DARS1: variants seen among roughly 807,000 people sequenced by gnomAD.
DARS1 encodes the protein aspartate--tRNA ligase, cytoplasmic.
DARS1 carries 51 observed loss-of-function variants against 68.8 expected under a neutral mutation model. That is an observed-to-expected ratio of 0.74 (90% confidence interval 0.59 to 0.94). DARS1 has a LOEUF of 0.94. Ranked by LOEUF, DARS1 falls within the 40% of genes least tolerant of loss-of-function variation. The pLI, the probability that DARS1 is intolerant of heterozygous loss-of-function variation, is 0.00. For missense variants in DARS1, 607 were observed against 597.3 expected (o/e 1.02, Z -0.17); for synonymous variants, 203 against 190.4 (o/e 1.07, Z -0.55).
intron 3 of DARS1, among the ~76,000 whole-genome samples, chr2:135,971,814 AAAAG>A (rs1329793046): frequency 2.6e-5 from 4 of 152,138 alleles, no homozygotes; most frequent in African/African-American, 9.7e-5. Context: ...AACAATGTGA[AAAAG>A]AAATAAAAAA....
intron 7 of DARS1, 82 bp downstream of exon 7, chr2:135,932,696 AGCTTT>A (rs1681377141): frequency 1.3e-6 from 1 of 750,290 alleles, no homozygotes; most frequent in Non-Finnish European, 2.3e-6. Context: ...AATACCATTT[AGCTTT>A]ATAAGCCTGA....
At chr2:135,920,649 G>A (rs1280328218) in intron 9 of DARS1, 49 bp from the exon 10 acceptor site, 1 of 1,507,166 alleles carries the variant, frequency 6.6e-7, no homozygotes, top group Non-Finnish European at 8.8e-7. Flanking sequence ...TTTCAATTTT[G>A]GATAAATAGG....
At chr2:135,983,504 C>A (rs1682687297) in intron 1 of DARS1, 50 bp from the exon 2 acceptor site, 2 of 711,224 alleles carry the variant, frequency 2.8e-6, no homozygotes, top group Non-Finnish European at 4.9e-6. Context: ...ACACTAAGAG[C>A]ACAGTAAACA....
Position 135,933,962 on chromosome 2 carries a change from C to T in DARS1, c.452G>A (p.Arg151His), listed in dbSNP as rs768903247. Residue 151 changes from arginine to histidine, a missense_variant, in exon 6 of 16, where the codon CGT (arginine) becomes CAT (histidine). Arg to His is a conservative substitution (Grantham distance 29, BLOSUM62 0). Coordinates refer to ENST00000264161, the MANE Select transcript of DARS1 (RefSeq NM_001349.4). ...KIYVISLAEPRLPLQLDDAVR... is the reference protein window; with the variant it reads ...KIYVISLAEPHLPLQLDDAVR... ...AGCATCATCCAGCTGCAGGGGCAGACGGGGTTCAGCCAAACTGATCACATA... is the reference window on the plus strand; with the variant it reads ...AGCATCATCCAGCTGCAGGGGCAGATGGGGTTCAGCCAAACTGATCACATA... The T allele has an allele frequency of 2.5e-5, 40 of 1,613,538 alleles. No individual in the cohort carries two copies. Among genetic ancestry groups the T allele is most frequent in the African/African-American group, 6.7e-5 (5 of 74,908 alleles).
At chr2:135,979,214 T>C (rs1024093040) in intron 3 of DARS1, 60 bp downstream of exon 3, 7 of 829,036 alleles carry the variant, frequency 8.4e-6, no homozygotes, top group East Asian at 2.4e-5. Context: ...GTGAGGAATA[T>C]GTAAGACAAA....
At chr2:135,937,724 G>A (rs1681501303) in intron 5 of DARS1, among the ~76,000 whole-genome samples, 1 of 152,154 alleles carries the variant, frequency 6.6e-6, no homozygotes, top group Admixed American at 6.5e-5. Flanking sequence ...TGTCTGTAAA[G>A]GATTTTATTT....
chr2:135,923,300 C>CT (rs1033133847), intron 8 of DARS1, among the ~76,000 whole-genome samples: 3 of 151,666 alleles, frequency 2.0e-5, no homozygotes, highest in African/African-American at 7.3e-5. Flanking sequence ...TTCTTCTTTT[C>CT]TTTTTTTGAG....
intron 4 of DARS1, among the ~76,000 whole-genome samples, chr2:135,956,811 T>A (rs6760465): frequency 1.2e-3 from 179 of 152,320 alleles, no homozygotes; most frequent in African/African-American, 4.1e-3. Context: ...TCGCCCAGTC[T>A]GGAATGCAAT....
chr2:135,924,879 A>G (rs1179409403), intron 7 of DARS1, among the ~76,000 whole-genome samples: 1 of 152,222 alleles, frequency 6.6e-6, no homozygotes, highest in African/African-American at 2.4e-5. Context: ...TAATGTTCTA[A>G]GTAAGATTTT....
chr2:135,939,149 C>T (rs372860202), intron 5 of DARS1, among the ~76,000 whole-genome samples: 11 of 152,158 alleles, frequency 7.2e-5, no homozygotes, highest in Non-Finnish European at 1.5e-4. Flanking sequence ...CAGCTCTGCA[C>T]CAAGCGGACC....
intron 13 of DARS1, 147 bp downstream of exon 13, chr2:135,912,339 A>G (rs1406368462): frequency 2.3e-6 from 1 of 437,604 alleles, no homozygotes; most frequent in African/African-American, 2.0e-5. Context: ...CATTTTGACC[A>G]GTGGTGACAG....
intron 3 of DARS1, among the ~76,000 whole-genome samples, chr2:135,978,317 A>G (rs1258350422): frequency 6.6e-6 from 1 of 152,188 alleles, no homozygotes; most frequent in Non-Finnish European, 1.5e-5. Flanking sequence ...ATCATGGGAC[A>G]TATTAAATAC....
chr2:135,983,981 T>C (rs1448314079), intron 1 of DARS1, among the ~76,000 whole-genome samples: 2 of 152,198 alleles, frequency 1.3e-5, no homozygotes, highest in Admixed American at 1.3e-4. Flanking sequence ...TAAAACATCA[T>C]CAAAAAATTC....
chr2:135,938,226 A>G (rs1681513509), intron 5 of DARS1, among the ~76,000 whole-genome samples: 1 of 151,954 alleles, frequency 6.6e-6, no homozygotes, highest in Admixed American at 6.6e-5. Flanking sequence ...TTCTTGCTTC[A>G]TTTCATTCAT....
At chr2:135,917,278 G>A (rs987438579) in intron 10 of DARS1, among the ~76,000 whole-genome samples, 14 of 152,108 alleles carry the variant, frequency 9.2e-5, no homozygotes, top group Non-Finnish European at 4.4e-5. Flanking sequence ...AAACACAATT[G>A]GCCACAGGTT....
At chr2:135,971,785 T>C (rs1307951177) in intron 3 of DARS1, among the ~76,000 whole-genome samples, 1 of 152,116 alleles carries the variant, frequency 6.6e-6, no homozygotes, top group African/African-American at 2.4e-5. Flanking sequence ...CAGTAGCATT[T>C]TTCTATATGC....
intron 3 of DARS1, among the ~76,000 whole-genome samples, chr2:135,967,102 C>A (rs1430649465): frequency 6.6e-6 from 1 of 152,154 alleles, no homozygotes; most frequent in Non-Finnish European, 1.5e-5. Context: ...AGATGTGAGG[C>A]AATCCTATGT....
intron 7 of DARS1, among the ~76,000 whole-genome samples, chr2:135,931,625 A>C (rs1401882369): frequency 3.3e-5 from 5 of 152,204 alleles, no homozygotes; most frequent in African/African-American, 1.2e-4. Context: ...AAGTCAAAGT[A>C]AGAGTTAAGC....
Position 135,906,326 on chromosome 2 carries a change from AGAG to A in DARS1, c.*987_*989del, listed in dbSNP as rs201071434. 0.16 allele frequency among the ~76,000 whole-genome samples: 24,343 copies of A among 152,096 alleles called. 2,218 individuals carry two copies. The highest frequency in any genetic ancestry group is 0.39 in the Middle Eastern group (115 of 292). ...TTAGCATCAACATTTGTAATAATCT[AGAG>A]GGAAAGTGTTTCTAACTAATTCTTA... is the stretch of plus-strand genomic sequence containing the variant. On this transcript the variant is annotated 3_prime_UTR_variant, in exon 16 of 16. Transcript: ENST00000264161.
Sources: allele counts gnomAD v4.1 joint callset (sites outside exome capture counted in the v4.1 genomes callset), GRCh38; gene constraint gnomAD v4.1.1; transcripts MANE v1.5; gene names NCBI Gene and HGNC (gene_info 2026-07-23, HGNC 2026-07-21).